The following PAPPA2 variants were observed in gnomAD, a reference collection of about 807,000 sequenced individuals.
The protein encoded by PAPPA2 is pappalysin-2.
In PAPPA2, 86 loss-of-function variants were observed where a neutral mutation model predicts 176.4. The ratio of observed to expected loss-of-function variants is 0.49; its 90% CI spans 0.41 to 0.58. The LOEUF is 0.58. PAPPA2 is among the 20% of genes least tolerant of loss of function. The pLI is 0.00. For synonymous variants in PAPPA2, 809 were observed against 852.2 expected, an observed-to-expected ratio of 0.95 and a Z score of 0.88; for missense variants, 2,073 against 2,256.9, an observed-to-expected ratio of 0.92 and a Z score of 1.65.
intron 1 of PAPPA2, among the ~76,000 whole-genome samples, chr1:176,516,042 G>A (rs1481508221): frequency 6.6e-6 from 1 of 152,142 alleles, no homozygotes; most frequent in Non-Finnish European, 1.5e-5. Context: ...GAGATAGTTT[G>A]CTTGGTGACT....
chr1:176,537,068 T>C (rs1459409866), intron 1 of PAPPA2, among the ~76,000 whole-genome samples: 4 of 152,210 alleles, frequency 2.6e-5, no homozygotes, highest in African/African-American at 4.8e-5. Flanking sequence ...CTTCATAACA[T>C]ACTTTCTCCA....
chr1:176,584,287 T>C (rs79784518), intron 2 of PAPPA2, among the ~76,000 whole-genome samples: 3,691 of 152,286 alleles, frequency 0.024, 98 homozygotes, highest in African/African-American at 0.068. Flanking sequence ...CCTTTAGATC[T>C]GATAATATTT....
chr1:176,684,078 G>A (rs1019095093), intron 4 of PAPPA2, among the ~76,000 whole-genome samples: 12 of 152,132 alleles, frequency 7.9e-5, no homozygotes, highest in Non-Finnish European at 1.6e-4. Flanking sequence ...GGATGGAATC[G>A]TCTCAGGACC....
chr1:176,800,895 ACTT>A (rs1226570476), intron 21 of PAPPA2, among the ~76,000 whole-genome samples: 1 of 152,160 alleles, frequency 6.6e-6, no homozygotes, highest in African/African-American at 2.4e-5. Context: ...AATCTTGTCT[ACTT>A]CTTCACATAG....
chr1:176,671,015 C>T lies in PAPPA2; in HGVS notation c.2037C>T (p.Asn679=). The T allele has an allele frequency of 6.2e-7, 1 of 1,613,956 alleles. No individual in the cohort carries two copies. Among genetic ancestry groups the T allele is most frequent in the Non-Finnish European group, 8.5e-7 (1 of 1,179,898 alleles). ...VKELKEALQL[N]STHFLNIYFA... ...AGCTGAAGGAGGCCCTGCAGCTGAA[C>T]AGTACTCACTTCCTCAACATCTACT... The change falls in exon 4 of 23, where the codon AAC becomes AAT. Residue 679 remains asparagine, a synonymous_variant. Coordinates refer to ENST00000367662, the MANE Select transcript of PAPPA2 (RefSeq NM_020318.3).
rs548977354 is a variant in PAPPA2, at chr1:176,844,560, A to T, written c.*2106A>T. Reference sequence around the variant, plus strand: ...GTAAAGAAAATGTAGTTCAGATACCATTCATTGTCTTGGGTCATGCTTAGT... The same window carrying T: ...GTAAAGAAAATGTAGTTCAGATACCTTTCATTGTCTTGGGTCATGCTTAGT... On this transcript the variant is annotated 3_prime_UTR_variant, in exon 23 of 23. Coordinates refer to ENST00000367662, the MANE Select transcript of PAPPA2 (RefSeq NM_020318.3). 9.2e-5 allele frequency: 14 copies of T among 152,318 alleles called. 1 individual carries two copies. The East Asian group carries it at 2.3e-3, about 25-fold the overall frequency. 9.4% of individuals were successfully genotyped at this position (152,318 alleles called of 1,614,324 possible).
chr1:176,502,094 A>G (rs1647995550), intron 1 of PAPPA2, among the ~76,000 whole-genome samples: 1 of 152,202 alleles, frequency 6.6e-6, no homozygotes, highest in Non-Finnish European at 1.5e-5. Flanking sequence ...TAATGTAGGA[A>G]TGACCTACTA....
At position 176,740,032 on chromosome 1, in the gene PAPPA2, T is replaced by C; in HGVS notation, c.3987T>C (p.His1329=). 1.2e-6 allele frequency: 2 copies of C among 1,613,970 alleles called. No homozygotes were observed. The highest frequency in any genetic ancestry group is 1.7e-6 in the Non-Finnish European group (2 of 1,179,886). The change falls in exon 14 of 23, where the codon CAT becomes CAC. Residue 1329 remains histidine (H), a synonymous_variant. Transcript: ENST00000367662. ...ATCCACTGATTATCAATGTGACCCA[T>C]CACCAGAATGTCCTTTTCCACCATA... The part of the protein sequence containing the change: ...QHNPLIINVT[H]HQNVLFHHTT...
intron 14 of PAPPA2, among the ~76,000 whole-genome samples, chr1:176,761,698 T>G (rs1302750524): frequency 6.6e-6 from 1 of 152,200 alleles, no homozygotes; most frequent in Non-Finnish European, 1.5e-5. Context: ...CCCGGTGGTC[T>G]AGGCTGGCCC....
chr1:176,769,667 G>A lies in PAPPA2; in HGVS notation c.4384G>A (p.Val1462Met), dbSNP rs765113647. The part of the protein sequence containing the change: ...HWDQNVSCLP[V>M]DCGVPDPSLV... ...GGACCAGAATGTGAGCTGCCTTCCC[G>A]TGGACTGCGGTGTTCCCGACCCGTC... The change falls in exon 16 of 23, where the codon GTG (valine) becomes ATG (methionine). Residue 1462 changes from valine to methionine, a missense_variant. This residue lies in a region of PAPPA2 where 846 missense variants were observed against 857.9 expected (regional missense o/e 0.99). Coordinates refer to ENST00000367662, the MANE Select transcript of PAPPA2 (RefSeq NM_020318.3). The A allele has an allele frequency of 4.6e-5, 74 of 1,613,708 alleles. No homozygotes were observed. Among genetic ancestry groups the A allele is most frequent in the South Asian group, 1.4e-4 (13 of 91,046 alleles).
intron 2 of PAPPA2, among the ~76,000 whole-genome samples, chr1:176,585,285 T>G (rs935414269): frequency 6.6e-6 from 1 of 151,746 alleles, no homozygotes; most frequent in African/African-American, 2.4e-5. Context: ...ATTTGTTTGT[T>G]TTTTTTTTCT....
intron 7 of PAPPA2, among the ~76,000 whole-genome samples, chr1:176,696,806 C>T (rs556131627): frequency 4.6e-5 from 7 of 151,748 alleles, no homozygotes; most frequent in South Asian, 2.1e-4. Flanking sequence ...GATTGTGACA[C>T]GAAAAAAAAG....
chr1:176,766,789 A>G (rs1663988696), intron 15 of PAPPA2, among the ~76,000 whole-genome samples: 1 of 152,194 alleles, frequency 6.6e-6, no homozygotes, highest in Admixed American at 6.5e-5. Context: ...ATAAGATAGA[A>G]AAAGGATGCA....
chr1:176,761,991 T>G (rs1277588756), intron 14 of PAPPA2, among the ~76,000 whole-genome samples: 2 of 152,266 alleles, frequency 1.3e-5, no homozygotes, highest in African/African-American at 4.8e-5. Flanking sequence ...GGTGGGATAA[T>G]GGAGAACACA....
At chr1:176,545,944 T>A (rs925336438) in intron 1 of PAPPA2, among the ~76,000 whole-genome samples, 1 of 152,138 alleles carries the variant, frequency 6.6e-6, no homozygotes, top group Non-Finnish European at 1.5e-5. Context: ...TTTCTTTGGA[T>A]TCTTTTGAGG....
rs541762454 is a variant in PAPPA2 at position 176,701,454 on chromosome 1, C to A, written c.3237-1153C>A. Among the ~76,000 whole-genome samples, 4 of 152,312 alleles carry A rather than the reference C, an allele frequency of 2.6e-5. No homozygotes were observed. In the Middle Eastern group the frequency reaches 0.014, roughly 518 times the overall value. On this transcript the variant is annotated intron_variant, in intron 8 of 22. Transcript: ENST00000367662. ...AAAATTGGTTTTACTTTAGAAATATCTGGCATTCTCATGAGAGGTTTGCTT... is the reference window on the plus strand; with the variant it reads ...AAAATTGGTTTTACTTTAGAAATATATGGCATTCTCATGAGAGGTTTGCTT...
At chr1:176,596,891 C>T (rs1654016509) in intron 3 of PAPPA2, among the ~76,000 whole-genome samples, 1 of 152,160 alleles carries the variant, frequency 6.6e-6, no homozygotes, top group African/African-American at 2.4e-5. Flanking sequence ...GACAAGGTAT[C>T]CCCAGTACAC....
chr1:176,652,962 T>G (rs1657820766), intron 3 of PAPPA2, among the ~76,000 whole-genome samples: 1 of 151,636 alleles, frequency 6.6e-6, no homozygotes, highest in South Asian at 2.1e-4. Context: ...CCTCAGCAAT[T>G]TATATTTGTT....
intron 12 of PAPPA2, among the ~76,000 whole-genome samples, chr1:176,728,793 A>C (rs1661998465): frequency 6.6e-6 from 1 of 151,988 alleles, no homozygotes; most frequent in Non-Finnish European, 1.5e-5. Flanking sequence ...AGATTAATGG[A>C]ACAGGGAAGT....
Sources: gnomAD v4.1 joint callset for allele counts (sites outside exome capture counted in the v4.1 genomes callset) on GRCh38, gnomAD v4.1.1 for gene constraint, gnomAD v4.1.1 regional missense constraint, MANE v1.5 for transcripts, NCBI Gene and HGNC (gene_info 2026-07-23, HGNC 2026-07-21) for gene names.